KIF1B: variants seen among roughly 807,000 people sequenced by gnomAD.
KIF1B encodes kinesin-like protein KIF1B.
KIF1B carries 76 observed loss-of-function variants against 241.9 expected under a neutral mutation model. That is an observed-to-expected ratio of 0.31 (90% CI 0.26 to 0.38). KIF1B has a LOEUF of 0.38. Among genes scored for constraint, KIF1B ranks in the 10% least tolerant of loss-of-function variants. The probability of loss-of-function intolerance (pLI) is 1.00; values close to 1 mark genes in which losing one functional copy is unlikely to be tolerated. For synonymous variants in KIF1B, 750 were observed against 796.7 expected (o/e 0.94, Z 0.99); for missense variants, 1,622 against 2,271.4 (o/e 0.71, Z 5.81).
Position 10,210,889 on chromosome 1 carries a change from G to A in KIF1B, c.-80+11G>A, listed in dbSNP as rs986175605. The A allele has an allele frequency of 2.0e-5, 3 of 151,022 alleles. No homozygotes were observed. Among genetic ancestry groups the A allele is most frequent in the African/African-American group, 7.3e-5 (3 of 41,320 alleles). 9.4% of individuals were successfully genotyped at this position (151,022 alleles called of 1,614,324 possible). On this transcript the variant is annotated intron_variant, in intron 1 of 48. Transcript: ENST00000676179. The surrounding 1 kb of genome is among the most constrained non-coding windows in gnomAD (Gnocchi z 4.1). ...TGCAGCGCGGCTGAGGTAAGGCGGCGGGGCTGGCCGCGGTTGGCGCCGCGG... is the reference window on the plus strand; with the variant it reads ...TGCAGCGCGGCTGAGGTAAGGCGGCAGGGCTGGCCGCGGTTGGCGCCGCGG...
At chr1:10,322,030 C>G (rs981718432) in intron 24 of KIF1B, among the ~76,000 whole-genome samples, 173 bp downstream of exon 24, 12 of 152,100 alleles carry the variant, frequency 7.9e-5, no homozygotes, top group African/African-American at 2.9e-4. Flanking sequence ...ATAGTAGGTG[C>G]TAATTAAATT....
At chr1:10,343,645 C>T (rs1400439024) in intron 34 of KIF1B, among the ~76,000 whole-genome samples, 2 of 152,110 alleles carry the variant, frequency 1.3e-5, no homozygotes, top group Non-Finnish European at 2.9e-5. Context: ...GTAATCCCAG[C>T]TACTTGGGAG....
intron 22 of KIF1B, chr1:10,308,024 T>TA: frequency 9.5e-7 from 1 of 1,057,666 alleles, no homozygotes; most frequent in Non-Finnish European, 1.1e-6. Context: ...AGGTTGACAC[T>TA]GAAAAAAAAA....
chr1:10,245,190 C>G (rs1184466088), intron 2 of KIF1B, among the ~76,000 whole-genome samples: 10 of 152,118 alleles, frequency 6.6e-5, no homozygotes, highest in Non-Finnish European at 1.3e-4. Flanking sequence ...GCCTTATTTT[C>G]TAGGGCTCAG....
intron 2 of KIF1B, among the ~76,000 whole-genome samples, chr1:10,240,589 T>A (rs773710871): frequency 6.6e-5 from 10 of 152,284 alleles, no homozygotes; most frequent in South Asian, 6.2e-4. Flanking sequence ...TGCATAGAGT[T>A]GGATGGCTAG....
chr1:10,308,307 C>A (rs1343882972), intron 22 of KIF1B: 44 of 1,057,768 alleles, frequency 4.2e-5, no homozygotes, highest in Non-Finnish European at 5.0e-5. Context: ...TGATAATTGT[C>A]CAGTTTATGT....
At chr1:10,328,774 C>G (rs1651814341) in intron 27 of KIF1B, among the ~76,000 whole-genome samples, 2 of 152,202 alleles carry the variant, frequency 1.3e-5, no homozygotes, top group South Asian at 2.1e-4. Flanking sequence ...TCAGGAGAAG[C>G]CTTGGGTCCT....
chr1:10,220,938 C>G (rs1351881364), intron 1 of KIF1B, among the ~76,000 whole-genome samples: 1 of 151,962 alleles, frequency 6.6e-6, no homozygotes, highest in Admixed American at 6.6e-5. Context: ...GCTGGGATTA[C>G]AGGCATGTGC....
intron 15 of KIF1B, among the ~76,000 whole-genome samples, chr1:10,284,115 T>G (rs929822182): frequency 6.6e-6 from 1 of 152,206 alleles, no homozygotes; most frequent in African/African-American, 2.4e-5. Context: ...GGCTCACACC[T>G]GTAAACCCAG....
rs1638822739 is a variant in KIF1B, at chr1:10,374,188, C to G, written c.4947-128C>G. On this transcript the variant is annotated intron_variant, in intron 45 of 48. Coordinates refer to ENST00000676179, the MANE Select transcript of KIF1B (RefSeq NM_001365951.3). This position sits in a 1 kb window ranked among gnomAD's most constrained non-coding sequence, Gnocchi z 4.3. ...CTTGTCTCCTCAGCTGAGCTCTCTGCAACTCAAGTTTGCAGCTGGGGTTTA... is the reference window on the plus strand; with the variant it reads ...CTTGTCTCCTCAGCTGAGCTCTCTGGAACTCAAGTTTGCAGCTGGGGTTTA... The G allele has an allele frequency of 9.3e-6, 9 of 963,938 alleles. No homozygotes were observed. Among genetic ancestry groups the G allele is most frequent in the African/African-American group, 1.6e-5 (1 of 62,204 alleles). 59.7% of individuals were successfully genotyped at this position (963,938 alleles called of 1,614,324 possible).
chr1:10,262,389 A>G (rs923608996), intron 5 of KIF1B, among the ~76,000 whole-genome samples: 7 of 152,112 alleles, frequency 4.6e-5, no homozygotes, highest in Admixed American at 6.6e-5. Flanking sequence ...GGCTCAAGCA[A>G]TCTTGCCTCC....
chr1:10,241,754 AT>A (rs1035978523), intron 2 of KIF1B, among the ~76,000 whole-genome samples: 31 of 148,066 alleles, frequency 2.1e-4, no homozygotes, highest in African/African-American at 6.7e-4. Context: ...ACCATGCCCA[AT>A]TTTTTTTTTA....
intron 37 of KIF1B, among the ~76,000 whole-genome samples, chr1:10,349,920 T>C (rs1354963295): frequency 1.3e-5 from 2 of 152,262 alleles, no homozygotes; most frequent in East Asian, 3.8e-4. Flanking sequence ...CATTAAGCTC[T>C]TCTTTACTGA....
chr1:10,344,016 C>T (rs1412902778), intron 34 of KIF1B, among the ~76,000 whole-genome samples: 1 of 152,078 alleles, frequency 6.6e-6, no homozygotes, highest in East Asian at 1.9e-4. Context: ...TCCTCATTGC[C>T]TATTCGCCAA....
At chr1:10,268,483 G>T (rs1388932944) in intron 7 of KIF1B, among the ~76,000 whole-genome samples, 2 of 151,984 alleles carry the variant, frequency 1.3e-5, no homozygotes, top group African/African-American at 2.4e-5. Flanking sequence ...ATAGGGTTAA[G>T]AAAAAAACAA....
intron 22 of KIF1B, among the ~76,000 whole-genome samples, chr1:10,315,217 T>C (rs1651250545): frequency 6.8e-6 from 1 of 147,920 alleles, no homozygotes; most frequent in Non-Finnish European, 1.5e-5. Flanking sequence ...TCTCACTCTG[T>C]TGCCCAGGCT....
At chr1:10,270,840 C>T (rs893589237) in intron 7 of KIF1B, among the ~76,000 whole-genome samples, 56 of 150,488 alleles carry the variant, frequency 3.7e-4, no homozygotes, top group Non-Finnish European at 5.8e-4. Flanking sequence ...GTGGGAGAAT[C>T]GTTTGAACCC....
chr1:10,358,760 G>A (rs1015478232), intron 38 of KIF1B, among the ~76,000 whole-genome samples: 2 of 151,230 alleles, frequency 1.3e-5, no homozygotes, highest in South Asian at 4.2e-4. Context: ...AGTGGATGTC[G>A]TCACCCAGTA....
intron 22 of KIF1B, among the ~76,000 whole-genome samples, chr1:10,315,196 T>TA (rs1370152441): frequency 6.8e-6 from 1 of 146,986 alleles, no homozygotes; most frequent in African/African-American, 2.6e-5. Context: ...TTTTTTTTTT[T>TA]TAAGACGGAG....
Sources: allele counts gnomAD v4.1 joint callset (sites outside exome capture counted in the v4.1 genomes callset), GRCh38; gene constraint gnomAD v4.1.1; non-coding constraint Gnocchi (gnomAD v3.1); transcripts MANE v1.5; gene names NCBI Gene and HGNC (gene_info 2026-07-23, HGNC 2026-07-21).